Variants in ZBTB16 observed in about 807,000 individuals in gnomAD.
The protein encoded by ZBTB16 is zinc finger and BTB domain containing 16.
ZBTB16 carries 8 observed loss-of-function variants against 56.8 expected under a neutral mutation model. The ratio of observed to expected loss-of-function variants is 0.14; its 90% CI spans 0.08 to 0.25. ZBTB16 has a LOEUF of 0.25. ZBTB16 is among the 10% of genes least tolerant of loss of function. The pLI, the probability that ZBTB16 is intolerant of heterozygous loss-of-function variation, is 1.00. For synonymous variants in ZBTB16, 363 were observed against 368.5 expected (o/e 0.98, Z 0.17); for missense variants, 625 against 903.0 (o/e 0.69, Z 3.95).
chr11:114,184,530 C>T (rs569075854), intron 3 of ZBTB16, among the ~76,000 whole-genome samples: 14 of 152,222 alleles, frequency 9.2e-5, no homozygotes, highest in Admixed American at 3.3e-4. Flanking sequence ...CCAGGGAGGC[C>T]GAAGGGTACG....
At chr11:114,230,308 C>T (rs1288504951) in intron 4 of ZBTB16, among the ~76,000 whole-genome samples, 3 of 152,168 alleles carry the variant, frequency 2.0e-5, no homozygotes, top group African/African-American at 4.8e-5. Flanking sequence ...TCAGGCTGTG[C>T]GTACATTCTG....
chr11:114,231,834 C>T (rs1944446324), intron 4 of ZBTB16, among the ~76,000 whole-genome samples: 1 of 152,182 alleles, frequency 6.6e-6, no homozygotes, highest in Non-Finnish European at 1.5e-5. Flanking sequence ...TGCCAGCACC[C>T]TCTTCAATAG....
At chr11:114,079,127 A>G (rs969673676) in intron 2 of ZBTB16, among the ~76,000 whole-genome samples, 5 of 150,912 alleles carry the variant, frequency 3.3e-5, no homozygotes, top group East Asian at 1.9e-4. Context: ...GAAGAAGAAG[A>G]AGGAGGCACC....
At chr11:114,204,175 A>C (rs1484387821) in intron 4 of ZBTB16, among the ~76,000 whole-genome samples, 1 of 147,988 alleles carries the variant, frequency 6.8e-6, no homozygotes. Flanking sequence ...TTTTTCTGAG[A>C]CACAGTCTTG....
At chr11:114,159,943 G>GGGGGGGGGC (rs1430328211) in intron 3 of ZBTB16, among the ~76,000 whole-genome samples, 1 of 145,008 alleles carries the variant, frequency 6.9e-6, no homozygotes, top group African/African-American at 2.7e-5. Flanking sequence ...GAGGCGGGGG[G>GGGGGGGGGC]GAGGCGAGCA....
chr11:114,100,386 G>A (rs574443006), intron 2 of ZBTB16, among the ~76,000 whole-genome samples: 3 of 152,296 alleles, frequency 2.0e-5, no homozygotes, highest in South Asian at 4.1e-4. Flanking sequence ...TGGTTGAAAG[G>A]CTGTGTTGTG....
chr11:114,255,258 G>A lies in ZBTB16; in HGVS notation c.*4703G>A, dbSNP rs572335615. On this transcript the variant is annotated 3_prime_UTR_variant, in exon 7 of 7. Coordinates refer to ENST00000335953, the MANE Select transcript of ZBTB16 (RefSeq NM_006006.6). Reference sequence around the variant, plus strand: ...TGTCTTATGTCGTGATAGCACAAGTGCCAGTCGGATTGCTCTGTATTACAG... The same window carrying A: ...TGTCTTATGTCGTGATAGCACAAGTACCAGTCGGATTGCTCTGTATTACAG... 2.9e-4 allele frequency among the ~76,000 whole-genome samples: 44 copies of A among 152,274 alleles called. No individual in the cohort carries two copies. The East Asian group carries it at 6.9e-3, about 24-fold the overall frequency.
chr11:114,076,530 C>A (rs1939571563), intron 2 of ZBTB16, among the ~76,000 whole-genome samples: 1 of 152,098 alleles, frequency 6.6e-6, no homozygotes, highest in African/African-American at 2.4e-5. Flanking sequence ...TGGAAATGTT[C>A]AATGCAAAAG....
rs35071911 is a variant in ZBTB16, at chr11:114,148,863, G to GGTGTGTGTGT, written c.1269-7445_1269-7436dup. Among the ~76,000 whole-genome samples the GGTGTGTGTGT allele has an allele frequency of 5.3e-3, 769 of 144,032 alleles. 3 individuals are homozygous for GGTGTGTGTGT. Among genetic ancestry groups the GGTGTGTGTGT allele is most frequent in the African/African-American group, 0.019 (720 of 38,284 alleles). The allele number at this position is 144,032 out of a possible 152,430, so 94.5% of individuals were successfully genotyped here. A position where few individuals can be genotyped will look rare whatever the true frequency, so the allele number is the denominator to read the frequency against. On this transcript the variant is annotated intron_variant, in intron 2 of 6. Coordinates refer to ENST00000335953, the MANE Select transcript of ZBTB16 (RefSeq NM_006006.6). ...ACAGTAGGGGCAACTGTTTTTTACT[G>GGTGTGTGTGT]GTGTGTGTGTGTGTGTGTGTGTGTG...
intron 2 of ZBTB16, among the ~76,000 whole-genome samples, chr11:114,114,132 G>T (rs7102086): frequency 0.017 from 2,638 of 152,296 alleles, 63 homozygotes; most frequent in African/African-American, 0.059. Flanking sequence ...AGATACTGGG[G>T]TCCAGAATAA....
At chr11:114,149,843 T>C (rs115421355) in intron 2 of ZBTB16, among the ~76,000 whole-genome samples, 2,468 of 152,308 alleles carry the variant, frequency 0.016, 55 homozygotes, top group African/African-American at 0.05. Context: ...TTTTCTCCCC[T>C]GGGATACCAG....
intron 2 of ZBTB16, among the ~76,000 whole-genome samples, chr11:114,106,983 C>T (rs569999139): frequency 4.1e-4 from 63 of 152,206 alleles, no homozygotes; most frequent in African/African-American, 1.3e-3. Flanking sequence ...GTAGTTTCGA[C>T]GAGTTTTATT....
rs1942411925 is a variant in ZBTB16 at position 114,156,404 on chromosome 11, C to T, written c.1336C>T (p.Arg446Trp). 1.2e-6 allele frequency: 2 copies of T among 1,614,214 alleles called. No individual in the cohort carries two copies. Among genetic ancestry groups the T allele is most frequent in the Non-Finnish European group, 1.7e-6 (2 of 1,180,020 alleles). The change falls in exon 3 of 7, where the codon CGG (arginine) becomes TGG (tryptophan). Residue 446 changes from arginine to tryptophan, a missense_variant. Transcript: ENST00000335953. ...CGGGAAGCGGTTCCTGGATAGTTTGCGGCTGAGAATGCACTTACTGGCTCA... is the reference window on the plus strand; with the variant it reads ...CGGGAAGCGGTTCCTGGATAGTTTGTGGCTGAGAATGCACTTACTGGCTCA... Reference protein sequence around the residue: ...LCGKRFLDSLRLRMHLLAHSA... With the variant: ...LCGKRFLDSLWLRMHLLAHSA...
chr11:114,229,560 T>C lies in ZBTB16; in HGVS notation c.1454-12607T>C, dbSNP rs118085178. Among the ~76,000 whole-genome samples the C allele has an allele frequency of 2.9e-4, 44 of 152,346 alleles. No homozygotes were observed. In the East Asian group the frequency reaches 5.6e-3, roughly 19 times the overall value. Reference sequence around the variant, plus strand: ...TCACCCTCTACCTGGTAGCCCACTCTCACTTTCTGTGATTTCTGTCTCCTT... The same window carrying C: ...TCACCCTCTACCTGGTAGCCCACTCCCACTTTCTGTGATTTCTGTCTCCTT... On this transcript the variant is annotated intron_variant, in intron 4 of 6. Transcript: ENST00000335953.
Position 114,060,855 on chromosome 11 carries a change from G to T in ZBTB16, c.-91+973G>T, listed in dbSNP as rs1414078209. Reference sequence around the variant, plus strand: ...GGACCCAGCCGGTCGCTCCCAGGGGGTCACGGCCCTGGGTCGGAGAGGGAG... The same window carrying T: ...GGACCCAGCCGGTCGCTCCCAGGGGTTCACGGCCCTGGGTCGGAGAGGGAG... On this transcript the variant is annotated intron_variant, in intron 1 of 6. Transcript: ENST00000335953. The surrounding 1 kb of genome is among the most constrained non-coding windows in gnomAD (Gnocchi z 6.0). Among the ~76,000 whole-genome samples the T allele has an allele frequency of 6.6e-6, 1 of 152,064 alleles. No homozygotes were observed. Among genetic ancestry groups the T allele is most frequent in the Non-Finnish European group, 1.5e-5 (1 of 67,988 alleles).
At position 114,249,276 on chromosome 11, in the gene ZBTB16, T is replaced by C. The variant is rs554995180; in HGVS notation, c.1793-1050T>C. On this transcript the variant is annotated intron_variant, in intron 6 of 6. Transcript: ENST00000335953. ...GAGTTCAAGTCCAGCCCGGCCAACA[T>C]GGTGAAACCCTGTCTGTACTAAAAA... Among the ~76,000 whole-genome samples the C allele has an allele frequency of 4.6e-5, 7 of 151,130 alleles. No homozygotes were observed. In the East Asian group the frequency reaches 1.2e-3, roughly 26 times the overall value.
chr11:114,115,529 A>T (rs1448946698), intron 2 of ZBTB16, among the ~76,000 whole-genome samples: 3 of 152,012 alleles, frequency 2.0e-5, no homozygotes, highest in Non-Finnish European at 4.4e-5. Flanking sequence ...TCCTACCCCT[A>T]GAGCAGAAGT....
Position 114,064,644 on chromosome 11 carries a change from C to T in ZBTB16, c.1268+76C>T. The T allele has an allele frequency of 6.4e-7, 1 of 1,557,768 alleles. No homozygotes were observed. The highest frequency in any genetic ancestry group is 8.7e-7 in the Non-Finnish European group (1 of 1,146,260). ...CCCCTCCTTCACACCCTGGCTGCTCCCAAGTTAGGGGCCTGGCTCCCCTGT... is the reference window on the plus strand; with the variant it reads ...CCCCTCCTTCACACCCTGGCTGCTCTCAAGTTAGGGGCCTGGCTCCCCTGT... On this transcript the variant is annotated intron_variant, in intron 2 of 6. Transcript: ENST00000335953. The surrounding 1 kb of genome is among the most constrained non-coding windows in gnomAD (Gnocchi z 4.2).
intron 4 of ZBTB16, among the ~76,000 whole-genome samples, chr11:114,220,784 T>C (rs1398189300): frequency 6.6e-6 from 1 of 152,230 alleles, no homozygotes; most frequent in East Asian, 1.9e-4. Context: ...GACTTCCCTC[T>C]AGGGACGGTC....
Sources: allele counts gnomAD v4.1 joint callset (sites outside exome capture counted in the v4.1 genomes callset), GRCh38; gene constraint gnomAD v4.1.1; non-coding constraint Gnocchi (gnomAD v3.1); transcripts MANE v1.5; gene names NCBI Gene and HGNC (gene_info 2026-07-23, HGNC 2026-07-21).